The following VTI1A variants were observed in gnomAD, a reference collection of about 807,000 sequenced individuals.
The protein encoded by VTI1A is vesicle transport through interaction with t-SNAREs homolog 1A.
VTI1A carries 22 observed loss-of-function variants against 34.9 expected under a neutral mutation model. The observed-to-expected ratio is 0.63, with a 90% confidence interval of 0.45 to 0.90. The LOEUF (loss-of-function observed/expected upper bound fraction) is 0.90, where lower values mean the gene tolerates loss of function less well. Among genes scored for constraint, VTI1A ranks in the 40% least tolerant of loss-of-function variants. The probability of loss-of-function intolerance (pLI) is 0.00; values close to 1 mark genes in which losing one functional copy is unlikely to be tolerated. For synonymous variants in VTI1A, 87 were observed against 97.3 expected, an observed-to-expected ratio of 0.89 and a Z score of 0.62; for missense variants, 268 against 275.6, an observed-to-expected ratio of 0.97 and a Z score of 0.20.
chr10:112,782,262 A>T (rs1006403245), intron 7 of VTI1A, among the ~76,000 whole-genome samples: 3 of 152,214 alleles, frequency 2.0e-5, no homozygotes, highest in Non-Finnish European at 4.4e-5. Flanking sequence ...GGCTGTCGCC[A>T]GTTGCATGCT....
intron 4 of VTI1A, among the ~76,000 whole-genome samples, chr10:112,527,790 C>T (rs1850288403): frequency 6.6e-6 from 1 of 151,784 alleles, no homozygotes; most frequent in African/African-American, 2.4e-5. Flanking sequence ...AAATAAGATA[C>T]AGTTTCTTCT....
chr10:112,650,121 G>T (rs1197936502), intron 5 of VTI1A, among the ~76,000 whole-genome samples: 1 of 152,182 alleles, frequency 6.6e-6, no homozygotes, highest in African/African-American at 2.4e-5. Flanking sequence ...TTAATTGTTT[G>T]ATTCTTTCGT....
chr10:112,613,403 A>G (rs914424693), intron 5 of VTI1A, among the ~76,000 whole-genome samples: 4 of 152,142 alleles, frequency 2.6e-5, no homozygotes, highest in South Asian at 2.1e-4. Context: ...TGGTATGGCT[A>G]TCTTTACAAA....
At chr10:112,776,024 G>T (rs1426416448) in intron 7 of VTI1A, among the ~76,000 whole-genome samples, 1 of 152,124 alleles carries the variant, frequency 6.6e-6, no homozygotes, top group Admixed American at 6.5e-5. Flanking sequence ...GCCGTTTCTG[G>T]CAAACCTCCA....
chr10:112,747,256 A>G (rs1850928944), intron 7 of VTI1A, among the ~76,000 whole-genome samples: 1 of 152,218 alleles, frequency 6.6e-6, no homozygotes, highest in African/African-American at 2.4e-5. Flanking sequence ...AGCTGTTTTT[A>G]TCATCTGCCA....
intron 3 of VTI1A, among the ~76,000 whole-genome samples, chr10:112,480,603 G>T (rs1848429932): frequency 6.6e-6 from 1 of 152,140 alleles, no homozygotes. Context: ...CCTCTGGGAG[G>T]TGATATCCAA....
chr10:112,480,171 G>A (rs1431056191), intron 3 of VTI1A, among the ~76,000 whole-genome samples: 3 of 151,934 alleles, frequency 2.0e-5, no homozygotes, highest in Admixed American at 6.6e-5. Context: ...TGGTAGAAAC[G>A]AAAATGACTT....
rs1046302233 is a variant in VTI1A, at chr10:112,817,557, T to C, written c.*2174T>C. The C allele has an allele frequency of 4.4e-6, 1 of 229,456 alleles. No individual in the cohort carries two copies. Among genetic ancestry groups the C allele is most frequent in the East Asian group, 6.2e-5 (1 of 16,060 alleles). The allele number at this position is 229,456 out of a possible 1,614,324, so 14.2% of individuals were successfully genotyped here. A position where few individuals can be genotyped will look rare whatever the true frequency, so the allele number is the denominator to read the frequency against. On this transcript the variant is annotated 3_prime_UTR_variant, in exon 8 of 8. Coordinates refer to ENST00000393077, the MANE Select transcript of VTI1A (RefSeq NM_145206.4). ...CTTGGCCTAACAGCTCCATCAAACC[T>C]CCTTGAGAGCAACTACCTAGGCCAG...
At chr10:112,619,573 A>T (rs1046462941) in intron 5 of VTI1A, among the ~76,000 whole-genome samples, 1 of 152,212 alleles carries the variant, frequency 6.6e-6, no homozygotes, top group Non-Finnish European at 1.5e-5. Flanking sequence ...TCTGCAAAAT[A>T]TGTAGACTAT....
the VTI1A span, among the ~76,000 whole-genome samples, chr10:112,852,881 C>G: frequency 6.6e-6 from 1 of 152,160 alleles, no homozygotes; most frequent in Non-Finnish European, 1.5e-5. Flanking sequence ...CAGGTTCAAG[C>G]AATTCCTCTG....
intron 5 of VTI1A, among the ~76,000 whole-genome samples, chr10:112,593,153 C>T (rs1230235745): frequency 6.6e-6 from 1 of 152,196 alleles, no homozygotes; most frequent in Admixed American, 6.5e-5. Context: ...TTAGGTTAGA[C>T]CAGTAGTTTT....
chr10:112,695,452 T>C lies in VTI1A; in HGVS notation c.560+26454T>C, dbSNP rs191131946. 1.6e-3 allele frequency among the ~76,000 whole-genome samples: 242 copies of C among 152,302 alleles called. 3 individuals carry two copies. Among genetic ancestry groups the C allele is most frequent in the Non-Finnish European group, 1.4e-3 (94 of 68,028 alleles). Reference sequence around the variant, plus strand: ...GCATTGATTTTGCTTTTTCCCATAATTGCTGAGGTTATTATGTTCATAAAA... The same window carrying C: ...GCATTGATTTTGCTTTTTCCCATAACTGCTGAGGTTATTATGTTCATAAAA... On this transcript the variant is annotated intron_variant, in intron 7 of 7. Coordinates refer to ENST00000393077, the MANE Select transcript of VTI1A (RefSeq NM_145206.4).
chr10:112,719,631 C>T lies in VTI1A; in HGVS notation c.560+50633C>T, dbSNP rs1277102831. 2.0e-5 allele frequency among the ~76,000 whole-genome samples: 3 copies of T among 152,032 alleles called. No individual in the cohort carries two copies. The East Asian group carries it at 5.8e-4, about 29-fold the overall frequency. On this transcript the variant is annotated intron_variant, in intron 7 of 7. Transcript: ENST00000393077. ...GTGCGATCTCGGCTCACCGCAACCT[C>T]CGCGTCCCAGGTTCAAGCGATTCTC...
Position 112,815,688 on chromosome 10 carries a change from T to C in VTI1A, c.*305T>C. 2.7e-6 allele frequency: 1 copy of C among 366,632 alleles called. No homozygotes were observed. The highest frequency in any genetic ancestry group is 4.5e-5 in the East Asian group (1 of 22,042). The allele number at this position is 366,632 out of a possible 1,614,324, so 22.7% of individuals were successfully genotyped here. A position where few individuals can be genotyped will look rare whatever the true frequency, so the allele number is the denominator to read the frequency against. On this transcript the variant is annotated 3_prime_UTR_variant, in exon 8 of 8. Transcript: ENST00000393077. Reference sequence around the variant, plus strand: ...ATAGCCCCAGTGACACTCCTAGCCCTCTGGACGTGTCAAGGGCCGTGGTTT... The same window carrying C: ...ATAGCCCCAGTGACACTCCTAGCCCCCTGGACGTGTCAAGGGCCGTGGTTT...
chr10:112,648,371 G>T (rs961723151), intron 5 of VTI1A, among the ~76,000 whole-genome samples: 1 of 152,192 alleles, frequency 6.6e-6, no homozygotes, highest in Non-Finnish European at 1.5e-5. Context: ...GTGATATTCA[G>T]TGGCAATCCT....
chr10:112,503,577 GTC>G (rs1369689936), intron 3 of VTI1A, among the ~76,000 whole-genome samples: 3 of 152,136 alleles, frequency 2.0e-5, no homozygotes, highest in Non-Finnish European at 4.4e-5. Context: ...TTGAGCAAAT[GTC>G]TTCGTTAAAT....
In VTI1A at chr10:112,508,814, C is replaced by T. The variant is rs1375495112; in HGVS notation, c.265-18273C>T. On this transcript the variant is annotated intron_variant, in intron 3 of 7. Coordinates refer to ENST00000393077, the MANE Select transcript of VTI1A (RefSeq NM_145206.4). ...GGATAAAATATACAAGTACTTTCTC[C>T]TGTAGGGACAGAGCCAAAGGGTGAA... Among the ~76,000 whole-genome samples the T allele has an allele frequency of 2.0e-5, 3 of 152,300 alleles. No individual in the cohort carries two copies. In the East Asian group the frequency reaches 5.8e-4, roughly 29 times the overall value.
chr10:112,812,042 A>C (rs1169031634), intron 7 of VTI1A, among the ~76,000 whole-genome samples: 1 of 152,234 alleles, frequency 6.6e-6, no homozygotes, highest in Non-Finnish European at 1.5e-5. Flanking sequence ...TGTGATTCAT[A>C]ATGTAAACTT....
At chr10:112,580,055 T>C (rs1843863593) in intron 5 of VTI1A, among the ~76,000 whole-genome samples, 1 of 152,124 alleles carries the variant, frequency 6.6e-6, no homozygotes, top group African/African-American at 2.4e-5. Flanking sequence ...ATTTTTTTTC[T>C]TACGTTCAGG....
Sources: gnomAD v4.1 joint callset for allele counts (sites outside exome capture counted in the v4.1 genomes callset) on GRCh38, gnomAD v4.1.1 for gene constraint, MANE v1.5 for transcripts, NCBI Gene and HGNC (gene_info 2026-07-23, HGNC 2026-07-21) for gene names.